PREX1: variants seen among roughly 807,000 people sequenced by gnomAD.
The protein encoded by PREX1 is phosphatidylinositol 3,4,5-trisphosphate-dependent Rac exchanger 1 protein.
PREX1 carries 41 observed loss-of-function variants against 198.3 expected under a neutral mutation model. The observed-to-expected ratio is 0.21, with a 90% CI of 0.16 to 0.27. PREX1 has a LOEUF of 0.27. PREX1 is among the 10% of genes least tolerant of loss of function. The probability of loss-of-function intolerance (pLI) is 1.00; values close to 1 mark genes in which losing one functional copy is unlikely to be tolerated. For missense variants in PREX1, 1,620 were observed against 2,200.7 expected (o/e 0.74, Z 5.28); for synonymous variants, 843 against 887.2 (o/e 0.95, Z 0.89).
chr20:48,658,153 T>C lies in PREX1; in HGVS notation c.1957A>G (p.Arg653Gly). 1 of 1,614,008 alleles carries C rather than the reference T, an allele frequency of 6.2e-7. No homozygotes were observed. The highest frequency in any genetic ancestry group is 8.5e-7 in the Non-Finnish European group (1 of 1,179,938). ...GGCCTCACCTCAGCCAGCGAGCCCC[T>C]CTGGACGGACTTCACCACCACAGCC... ...NKAVVVKSVQ[R>G]GSLAEVAGLQ... Residue 653 changes from arginine (R) to glycine (G), a missense_variant, in exon 17 of 40, where the codon AGG becomes GGG. Around this residue, in one of 7 missense-constraint regions of PREX1, gnomAD observed 488 missense variants for 802.5 expected, o/e 0.61. Transcript: ENST00000371941.
chr20:48,649,399 T>A lies in PREX1; in HGVS notation c.3206A>T (p.Lys1069Met), dbSNP rs1472499472. Residue 1069 changes from lysine (K) to methionine (M), a missense_variant, in exon 25 of 40, where the codon AAG (lysine) becomes ATG (methionine). Physicochemically the swap from Lys to Met is moderately conservative, Grantham distance 95. Transcript: ENST00000371941. ...QEDRGLSFLL[K>M]QEDREIQDAY... ...ATCCTGGATCTCACGGTCCTCCTGC[T>A]TGAGTAGGAAGCTGAGGCCCCGGTC... 13 of 1,614,162 alleles carry A rather than the reference T, an allele frequency of 8.1e-6. No homozygotes were observed. The highest frequency in any genetic ancestry group is 1.1e-5 in the Non-Finnish European group (13 of 1,180,006).
Position 48,827,229 on chromosome 20 carries a change from C to T in PREX1, c.219+413G>A, listed in dbSNP as rs2090512994. Reference sequence around the variant, plus strand: ...GGGACGTTGGGCTCTGGGGCTCCTACGGTATGTCCTAGATGAGTGGTGCAC... The same window carrying T: ...GGGACGTTGGGCTCTGGGGCTCCTATGGTATGTCCTAGATGAGTGGTGCAC... On this transcript the variant is annotated intron_variant, in intron 1 of 39. Transcript: ENST00000371941. This position sits in a 1 kb window ranked among gnomAD's most constrained non-coding sequence, Gnocchi z 4.1. Among the ~76,000 whole-genome samples the T allele has an allele frequency of 6.6e-6, 1 of 152,210 alleles. No homozygotes were observed. The highest frequency in any genetic ancestry group is 2.4e-5 in the African/African-American group (1 of 41,444).
At chr20:48,646,597 G>A (rs1431120904) in intron 25 of PREX1, among the ~76,000 whole-genome samples, 2 of 150,558 alleles carry the variant, frequency 1.3e-5, no homozygotes, top group Non-Finnish European at 3.0e-5. Flanking sequence ...AGGCTCGTAT[G>A]AGAATCGCTT....
chr20:48,730,587 G>A (rs565707333), intron 4 of PREX1, among the ~76,000 whole-genome samples: 32 of 152,240 alleles, frequency 2.1e-4, no homozygotes, highest in Admixed American at 1.4e-3. Flanking sequence ...CTGGAGTGAT[G>A]GGAATGTTCT....
chr20:48,626,335 T>C (rs528663180), intron 39 of PREX1, among the ~76,000 whole-genome samples: 2 of 152,346 alleles, frequency 1.3e-5, no homozygotes, highest in Admixed American at 1.3e-4. Context: ...GGCTGCGTGG[T>C]GTCCAGGGCA....
intron 1 of PREX1, among the ~76,000 whole-genome samples, chr20:48,806,196 A>T (rs2090411103): frequency 6.6e-6 from 1 of 152,220 alleles, no homozygotes; most frequent in Non-Finnish European, 1.5e-5. Flanking sequence ...GAGGGGCCAA[A>T]CTGCCCTTGT....
chr20:48,745,875 GA>G (rs1013320811), intron 2 of PREX1, among the ~76,000 whole-genome samples: 23 of 152,204 alleles, frequency 1.5e-4, no homozygotes, highest in Non-Finnish European at 4.4e-5. Flanking sequence ...AAATTGGGAG[GA>G]AAAGGGGTGT....
At chr20:48,858,601 C>T in the PREX1 span, among the ~76,000 whole-genome samples, 614 of 152,194 alleles carry the variant, frequency 4.0e-3, 2 homozygotes, top group African/African-American at 0.014. Context: ...GGTGTAGGCT[C>T]CCAGAGGTCT....
chr20:48,629,896 G>A (rs1368990537), intron 36 of PREX1, among the ~76,000 whole-genome samples: 1 of 152,140 alleles, frequency 6.6e-6, no homozygotes, highest in African/African-American at 2.4e-5. Context: ...CACCTGCCCA[G>A]GTGTGTCCCC....
At chr20:48,696,077 A>G (rs905177647) in intron 7 of PREX1, among the ~76,000 whole-genome samples, 2 of 152,342 alleles carry the variant, frequency 1.3e-5, no homozygotes, top group South Asian at 2.1e-4. Context: ...CTCTCCTTAC[A>G]GTATTTTTTA....
At chr20:48,642,544 T>C in intron 27 of PREX1, 55 bp from the exon 28 acceptor site, 1 of 1,452,328 alleles carries the variant, frequency 6.9e-7, no homozygotes, top group Middle Eastern at 1.8e-4. Flanking sequence ...CCTCACACCA[T>C]CCCCAGCACT....
intron 1 of PREX1, among the ~76,000 whole-genome samples, chr20:48,818,211 G>T (rs1312789725): frequency 6.6e-6 from 1 of 152,156 alleles, no homozygotes; most frequent in Admixed American, 6.5e-5. Flanking sequence ...GGGCGAGGGG[G>T]TAAGAGCTAC....
intron 9 of PREX1, among the ~76,000 whole-genome samples, 177 bp from the exon 10 acceptor site, chr20:48,688,981 G>A (rs1419434943): frequency 1.3e-5 from 2 of 152,194 alleles, no homozygotes; most frequent in Non-Finnish European, 2.9e-5. Flanking sequence ...CGCTGCCCTA[G>A]GCACCTGCCA....
intron 5 of PREX1, among the ~76,000 whole-genome samples, chr20:48,724,779 G>GACACATC (rs1272883136): frequency 1.3e-5 from 2 of 152,204 alleles, no homozygotes; most frequent in Admixed American, 1.3e-4. Flanking sequence ...AAGTTCGAAA[G>GACACATC]ACACATCACA....
chr20:48,825,946 C>T (rs1395976514), intron 1 of PREX1, among the ~76,000 whole-genome samples: 2 of 145,074 alleles, frequency 1.4e-5, no homozygotes, highest in Non-Finnish European at 3.0e-5. Context: ...CTAGAAGGGT[C>T]CTTTAGCCAA....
chr20:48,827,229 CG>C lies in PREX1; in HGVS notation c.219+412del, dbSNP rs2123093807. On this transcript the variant is annotated intron_variant, in intron 1 of 39. Coordinates refer to ENST00000371941, the MANE Select transcript of PREX1 (RefSeq NM_020820.4). The surrounding 1 kb of genome is among the most constrained non-coding windows in gnomAD (Gnocchi z 4.1). ...GGGACGTTGGGCTCTGGGGCTCCTA[CG>C]GTATGTCCTAGATGAGTGGTGCACC... 6.6e-6 allele frequency among the ~76,000 whole-genome samples: 1 copy of C among 152,328 alleles called. No individual in the cohort carries two copies. Among genetic ancestry groups the C allele is most frequent in the East Asian group, 1.9e-4 (1 of 5,188 alleles).
chr20:48,663,910 GCACACACA>G (rs11472118), intron 15 of PREX1, among the ~76,000 whole-genome samples: 1 of 150,030 alleles, frequency 6.7e-6, no homozygotes, highest in Non-Finnish European at 1.5e-5. Context: ...GTGAGTGCGC[GCACACACA>G]CACACACACA....
At chr20:48,688,622 C>G in intron 10 of PREX1, 35 bp downstream of exon 10, 2 of 1,612,934 alleles carry the variant, frequency 1.2e-6, no homozygotes, top group Non-Finnish European at 8.5e-7. Context: ...GCTGAGAGCC[C>G]AGGGACCCAG....
Position 48,629,539 on chromosome 20 carries a change from C to T in PREX1, c.4676G>A (p.Ser1559Asn). Residue 1559 changes from serine (S) to asparagine (N), a missense_variant, in exon 37 of 40, where the codon AGT (serine) becomes AAT (asparagine). Transcript: ENST00000371941. ...GATGGGGATGAGGCCGGCGCCCACA[C>T]TCCCAGCAGCACCAGGCTTTGGGTG... ...FVHPKPGAAG[S>N]VGAGLIPISS... 1 of 1,614,098 alleles carries T rather than the reference C, an allele frequency of 6.2e-7. No homozygotes were observed. The highest frequency in any genetic ancestry group is 8.5e-7 in the Non-Finnish European group (1 of 1,179,954).
Sources: allele counts gnomAD v4.1 joint callset (sites outside exome capture counted in the v4.1 genomes callset), GRCh38; gene constraint gnomAD v4.1.1; regional missense constraint gnomAD v4.1.1; non-coding constraint Gnocchi (gnomAD v3.1); transcripts MANE v1.5; gene names NCBI Gene and HGNC (gene_info 2026-07-23, HGNC 2026-07-21).